The following ZEB2 variants were observed in gnomAD, a reference collection of about 807,000 sequenced individuals.
ZEB2 encodes the protein zinc finger E-box binding homeobox 2.
ZEB2 carries 6 observed loss-of-function variants against 99.9 expected under a neutral mutation model. The observed-to-expected ratio is 0.06, with a 90% confidence interval of 0.03 to 0.12. The LOEUF (loss-of-function observed/expected upper bound fraction) is 0.12. ZEB2 is among the 10% of genes least tolerant of loss of function. The probability of loss-of-function intolerance (pLI) is 1.00; values close to 1 mark genes in which losing one functional copy is unlikely to be tolerated. For missense variants in ZEB2, 969 were observed against 1,502.8 expected, an observed-to-expected ratio of 0.64 and a Z score of 5.87; for synonymous variants, 517 against 542.5, an observed-to-expected ratio of 0.95 and a Z score of 0.65.
At position 144,387,698 on chromosome 2, in the gene ZEB2, A is replaced by C. The variant is rs1703104093; in HGVS notation, c.*1753T>G. On this transcript the variant is annotated 3_prime_UTR_variant, in exon 10 of 10. Transcript: ENST00000627532. ...CAAAGACCCCTTGGACAGAGAAGTG[A>C]ATTTTTAACACATAATCTCTAAATA... 1 of 152,176 alleles carries C rather than the reference A, an allele frequency of 6.6e-6. No homozygotes were observed. Among genetic ancestry groups the C allele is most frequent in the African/African-American group, 2.4e-5 (1 of 41,468 alleles). The allele number at this position is 152,176 out of a possible 1,614,324, so 9.4% of individuals were successfully genotyped here.
chr2:144,473,535 T>A (rs565237565), intron 2 of ZEB2, among the ~76,000 whole-genome samples: 1 of 152,236 alleles, frequency 6.6e-6, no homozygotes, highest in South Asian at 2.1e-4. Context: ...AGTGCTGGGA[T>A]TGCAGGCATG....
chr2:144,396,683 A>T (rs564047151), intron 8 of ZEB2, 91 bp from the exon 9 acceptor site: 53 of 1,413,040 alleles, frequency 3.8e-5, no homozygotes, highest in Non-Finnish European at 5.0e-5. Flanking sequence ...AGAACCTCAA[A>T]ATTGCTTGCT....
intron 4 of ZEB2, among the ~76,000 whole-genome samples, chr2:144,408,166 TTCATCTTTGA>T (rs1446418873): frequency 6.6e-6 from 1 of 152,190 alleles, no homozygotes; most frequent in African/African-American, 2.4e-5. Flanking sequence ...TCTTTAAGGA[TTCATCTTTGA>T]TCATCTTTGT....
intron 2 of ZEB2, among the ~76,000 whole-genome samples, chr2:144,490,933 G>A (rs561216800): frequency 3.9e-5 from 6 of 152,324 alleles, no homozygotes; most frequent in Admixed American, 2.0e-4. Context: ...AGGCCTCTGC[G>A]ATAAAGCCTC....
chr2:144,517,000 A>AG (rs1164635834), intron 2 of ZEB2, among the ~76,000 whole-genome samples: 1 of 148,906 alleles, frequency 6.7e-6, no homozygotes, highest in Non-Finnish European at 1.5e-5. Flanking sequence ...CAGGGGCTCG[A>AG]GGGGGGCAGC....
intron 4 of ZEB2, among the ~76,000 whole-genome samples, chr2:144,421,347 T>C (rs2149887537): frequency 6.6e-6 from 1 of 152,292 alleles, no homozygotes; most frequent in South Asian, 2.1e-4. Context: ...AGGAAGATAG[T>C]CTTTTAGATG....
At position 144,463,965 on chromosome 2, in the gene ZEB2, A is replaced by G. The variant is rs116604664; in HGVS notation, c.74-33939T>C. ...AAGAAAAATGGATTCATGGTACAGG[A>G]AAGAGTGGATACTGAGGCTCAGGGA... On this transcript the variant is annotated intron_variant, in intron 2 of 9. Coordinates refer to ENST00000627532, the MANE Select transcript of ZEB2 (RefSeq NM_014795.4). 952 of 152,466 alleles carry G rather than the reference A, an allele frequency of 6.2e-3. 14 individuals carry two copies. The highest frequency in any genetic ancestry group is 0.022 in the African/African-American group (900 of 41,578). 9.4% of individuals were successfully genotyped at this position (152,466 alleles called of 1,614,324 possible). A position where few individuals can be genotyped will look rare whatever the true frequency, so the allele number is the denominator to read the frequency against.
At chr2:144,488,749 C>T (rs763779550) in intron 2 of ZEB2, among the ~76,000 whole-genome samples, 2 of 151,528 alleles carry the variant, frequency 1.3e-5, no homozygotes, top group Non-Finnish European at 2.9e-5. Flanking sequence ...CAACTGAGCT[C>T]ATCCATTTGT....
rs1488369368 is a variant in ZEB2 at position 144,431,846 on chromosome 2, T to TG, written c.74-1821dup. On this transcript the variant is annotated intron_variant, in intron 2 of 9. Transcript: ENST00000627532. ...TGCTGGGGGTAGGGGGGAGTGGGAA[T>TG]GGGGGGGCTACAACAAAAGCTCCTA... Among the ~76,000 whole-genome samples, 5 of 130,934 alleles carry TG rather than the reference T, an allele frequency of 3.8e-5. No individual in the cohort carries two copies. The East Asian group carries it at 1.3e-3, about 35-fold the overall frequency. The allele number at this position is 130,934 out of a possible 152,430, so 85.9% of individuals were successfully genotyped here.
chr2:144,413,048 G>A (rs1046645163), intron 4 of ZEB2, among the ~76,000 whole-genome samples: 2 of 152,124 alleles, frequency 1.3e-5, no homozygotes, highest in Non-Finnish European at 2.9e-5. Flanking sequence ...ATGAGCCAGG[G>A]TGTGCTTTCT....
chr2:144,475,786 T>A (rs1560640340), intron 2 of ZEB2, among the ~76,000 whole-genome samples: 1 of 152,194 alleles, frequency 6.6e-6, no homozygotes, highest in Non-Finnish European at 1.5e-5. Flanking sequence ...GTCAAACCCA[T>A]ACATGTGACA....
intron 2 of ZEB2, among the ~76,000 whole-genome samples, chr2:144,508,978 T>C (rs1029977968): frequency 1.3e-5 from 2 of 152,140 alleles, no homozygotes; most frequent in African/African-American, 2.4e-5. Flanking sequence ...CTTTTTTTTT[T>C]CCCTTGCCAA....
intron 2 of ZEB2, 148 bp from the exon 3 acceptor site, chr2:144,430,174 G>T: frequency 8.2e-7 from 1 of 1,218,900 alleles, no homozygotes; most frequent in Non-Finnish European, 1.1e-6. Flanking sequence ...TATCCTTCAG[G>T]TTTTAGCATT....
At chr2:144,511,603 C>T (rs1281650308) in intron 2 of ZEB2, 2 of 1,284,254 alleles carry the variant, frequency 1.6e-6, no homozygotes, top group South Asian at 1.2e-5. Flanking sequence ...TTACCCTCCC[C>T]ACAGCCCAAA....
chr2:144,402,253 C>T (rs1157884771), intron 6 of ZEB2, among the ~76,000 whole-genome samples: 1 of 152,112 alleles, frequency 6.6e-6, no homozygotes. Context: ...AGGAGGTCAG[C>T]CTTTTTCTAG....
chr2:144,517,446 G>A (rs1705176062), intron 1 of ZEB2, 27 bp from the exon 2 acceptor site: 8 of 1,486,128 alleles, frequency 5.4e-6, no homozygotes, highest in African/African-American at 1.4e-5. Flanking sequence ...GCGACAATGT[G>A]GGCATCGCCC....
chr2:144,452,204 T>G (rs1057415020), intron 2 of ZEB2, among the ~76,000 whole-genome samples: 4 of 152,190 alleles, frequency 2.6e-5, no homozygotes, highest in African/African-American at 7.2e-5. Flanking sequence ...GATATTTTCT[T>G]GTGAAAAATG....
At chr2:144,483,150 A>ACACACGCG (rs1553968397) in intron 2 of ZEB2, among the ~76,000 whole-genome samples, 2 of 149,546 alleles carry the variant, frequency 1.3e-5, no homozygotes, top group Non-Finnish European at 3.0e-5. Context: ...ACACACACAC[A>ACACACGCG]CACACACACA....
chr2:144,509,171 C>T (rs893987326), intron 2 of ZEB2, among the ~76,000 whole-genome samples: 2 of 152,164 alleles, frequency 1.3e-5, no homozygotes, highest in Non-Finnish European at 2.9e-5. Context: ...GCGCAAGGGG[C>T]CAGGCACTCA....
Sources: allele counts gnomAD v4.1 joint callset (sites outside exome capture counted in the v4.1 genomes callset), GRCh38; gene constraint gnomAD v4.1.1; transcripts MANE v1.5; gene names NCBI Gene and HGNC (gene_info 2026-07-23, HGNC 2026-07-21).